DLG2: variants seen among roughly 807,000 people sequenced by gnomAD.
The protein encoded by DLG2 is discs large MAGUK scaffold protein 2.
Under a neutral mutation model 132.5 loss-of-function variants are expected in DLG2, and 45 were observed. The ratio of observed to expected loss-of-function variants is 0.34; its 90% CI spans 0.27 to 0.44. The LOEUF (loss-of-function observed/expected upper bound fraction) is 0.44. Among genes scored for constraint, DLG2 ranks in the 20% least tolerant of loss-of-function variants. DLG2 has a pLI of 1.00. For missense variants in DLG2, 1,045 were observed against 1,196.9 expected (o/e 0.87, Z 1.87); for synonymous variants, 424 against 419.6 (o/e 1.01, Z -0.13).
chr11:84,456,686 T>C (rs561537764), intron 7 of DLG2, among the ~76,000 whole-genome samples: 2 of 151,518 alleles, frequency 1.3e-5, no homozygotes, highest in Middle Eastern at 3.4e-3. Flanking sequence ...TCTGTTCCTT[T>C]GGATGTGCTC....
chr11:85,140,537 G>C (rs973807040), intron 5 of DLG2, among the ~76,000 whole-genome samples: 4 of 151,430 alleles, frequency 2.6e-5, no homozygotes, highest in Non-Finnish European at 3.0e-5. Flanking sequence ...AGGGTAACTG[G>C]GATATCCATC....
chr11:85,595,064 C>CAAAA (rs947518185), intron 3 of DLG2, among the ~76,000 whole-genome samples: 3 of 58,218 alleles, frequency 5.2e-5, no homozygotes, highest in Non-Finnish European at 7.9e-5. Context: ...GACTCTGTCT[C>CAAAA]AAAAAAAAAA....
At chr11:83,680,648 C>G (rs745574069) in intron 18 of DLG2, among the ~76,000 whole-genome samples, 31 of 152,188 alleles carry the variant, frequency 2.0e-4, no homozygotes, top group Non-Finnish European at 3.4e-4. Context: ...GCTCTTTAAG[C>G]AGAACTTATT....
intron 17 of DLG2, among the ~76,000 whole-genome samples, chr11:83,812,721 C>A (rs775155988): frequency 6.6e-6 from 1 of 152,156 alleles, no homozygotes; most frequent in Non-Finnish European, 1.5e-5. Context: ...CATCTGATTT[C>A]TTTCACTGAA....
intron 7 of DLG2, among the ~76,000 whole-genome samples, chr11:84,521,013 G>T (rs367786094): frequency 6.6e-6 from 1 of 152,182 alleles, no homozygotes; most frequent in African/African-American, 2.4e-5. Context: ...ATGTACATTA[G>T]TCTTTGAGAT....
At chr11:85,220,776 T>C (rs959512706) in intron 4 of DLG2, among the ~76,000 whole-genome samples, 4 of 151,668 alleles carry the variant, frequency 2.6e-5, no homozygotes, top group Admixed American at 1.3e-4. Flanking sequence ...ATCTAGATTA[T>C]AATAAATAAA....
chr11:85,303,618 G>A (rs866777652), intron 3 of DLG2, among the ~76,000 whole-genome samples: 1 of 152,160 alleles, frequency 6.6e-6, no homozygotes, highest in Non-Finnish European at 1.5e-5. Context: ...ATACTATCAT[G>A]TATCAGAGTT....
At chr11:83,487,985 C>A (rs2093623066) in intron 21 of DLG2, among the ~76,000 whole-genome samples, 1 of 151,644 alleles carries the variant, frequency 6.6e-6, no homozygotes, top group South Asian at 2.1e-4. Flanking sequence ...GTTTGTTATA[C>A]AATTAGATTG....
chr11:83,556,834 G>T (rs1312513823), intron 19 of DLG2, among the ~76,000 whole-genome samples: 1 of 152,210 alleles, frequency 6.6e-6, no homozygotes, highest in Non-Finnish European at 1.5e-5. Context: ...GCATCCAGTG[G>T]AAGGCAAGCT....
intron 6 of DLG2, among the ~76,000 whole-genome samples, chr11:84,922,828 A>AC (rs1408083370): frequency 1.8e-5 from 2 of 110,972 alleles, no homozygotes; most frequent in African/African-American, 3.5e-5. Flanking sequence ...CCCCCTCTCC[A>AC]CCCCCCAACT....
At chr11:85,367,831 T>C (rs1250104777) in intron 3 of DLG2, among the ~76,000 whole-genome samples, 1 of 152,184 alleles carries the variant, frequency 6.6e-6, no homozygotes, top group Admixed American at 6.5e-5. Context: ...TGATATGCCA[T>C]ATTAATAGAT....
intron 3 of DLG2, among the ~76,000 whole-genome samples, chr11:85,324,407 CA>C (rs1353238335): frequency 2.0e-5 from 3 of 152,100 alleles, no homozygotes; most frequent in Non-Finnish European, 4.4e-5. Flanking sequence ...AGTTAGAACT[CA>C]AAATGTATAT....
In DLG2 at chr11:83,709,183, G is replaced by GA. The variant is rs554300636; in HGVS notation, c.1826-75859dup. Among the ~76,000 whole-genome samples, 77 of 150,678 alleles carry GA rather than the reference G, an allele frequency of 5.1e-4. No individual in the cohort carries two copies. The East Asian group carries it at 0.013, about 25-fold the overall frequency. On this transcript the variant is annotated intron_variant, in intron 18 of 27. Coordinates refer to ENST00000376104, the MANE Select transcript of DLG2 (RefSeq NM_001142699.3). ...CATCAAGAAAGAATCTTTTTGAGAGGAAAAAAATAAAAGTCTGAAATCAGC... is the reference window on the plus strand; with the variant it reads ...CATCAAGAAAGAATCTTTTTGAGAGGAAAAAAAATAAAAGTCTGAAATCAGC...
chr11:83,735,307 T>C (rs543656477), intron 18 of DLG2, among the ~76,000 whole-genome samples: 2 of 152,174 alleles, frequency 1.3e-5, no homozygotes, highest in African/African-American at 4.8e-5. Context: ...TTTAGTAAAA[T>C]TGATTAAGGA....
intron 2 of DLG2, among the ~76,000 whole-genome samples, chr11:85,608,802 C>A (rs2080779213): frequency 6.6e-6 from 1 of 152,164 alleles, no homozygotes; most frequent in Non-Finnish European, 1.5e-5. Context: ...CTGATAGGTA[C>A]ATAGATGTCC....
At chr11:84,750,493 G>C (rs993371010) in intron 6 of DLG2, among the ~76,000 whole-genome samples, 2 of 151,664 alleles carry the variant, frequency 1.3e-5, no homozygotes, top group African/African-American at 4.8e-5. Flanking sequence ...AAAAATCTTT[G>C]TTTAAAACAT....
At chr11:83,789,092 A>C (rs1295207015) in intron 17 of DLG2, among the ~76,000 whole-genome samples, 3 of 152,208 alleles carry the variant, frequency 2.0e-5, no homozygotes, top group Admixed American at 2.0e-4. Context: ...AACCAATAAA[A>C]TTAGCACAAC....
intron 16 of DLG2, among the ~76,000 whole-genome samples, chr11:83,849,008 G>A (rs900314123): frequency 7.2e-5 from 11 of 151,998 alleles, no homozygotes; most frequent in African/African-American, 2.7e-4. Context: ...CTACCAACTG[G>A]GAATTCTTTA....
chr11:84,118,925 C>T lies in DLG2; in HGVS notation c.625-19878G>A, dbSNP rs2093771475. The stretch of plus-strand genomic sequence containing the variant: ...ACTGAGGCATAAATATGACTTGCCA[C>T]ATTCTGCCACTTTCAATCCTTTGTG... On this transcript the variant is annotated intron_variant, in intron 9 of 27. Coordinates refer to ENST00000376104, the MANE Select transcript of DLG2 (RefSeq NM_001142699.3). Among the ~76,000 whole-genome samples the T allele has an allele frequency of 3.3e-5, 5 of 152,284 alleles. No individual in the cohort carries two copies. The South Asian group carries it at 1.0e-3, about 32-fold the overall frequency.
Sources: allele counts gnomAD v4.1 joint callset (sites outside exome capture counted in the v4.1 genomes callset), GRCh38; gene constraint gnomAD v4.1.1; transcripts MANE v1.5; gene names NCBI Gene and HGNC (gene_info 2026-07-23, HGNC 2026-07-21).